PCYT1A: variants seen among roughly 807,000 people sequenced by gnomAD.
The protein encoded by PCYT1A is choline-phosphate cytidylyltransferase A.
A neutral mutation model predicts 43.7 loss-of-function variants in PCYT1A; 25 were observed. The observed-to-expected ratio is 0.57, with a 90% CI of 0.42 to 0.80. The LOEUF (loss-of-function observed/expected upper bound fraction) is 0.80. Ranked by LOEUF, PCYT1A falls within the 30% of genes least tolerant of loss-of-function variation. The pLI is 0.00. For missense variants in PCYT1A, 421 were observed against 474.2 expected, an observed-to-expected ratio of 0.89 and a Z score of 1.04; for synonymous variants, 172 against 170.7, an observed-to-expected ratio of 1.01 and a Z score of -0.06.
At chr3:196,239,778 A>C (rs989818475) in intron 7 of PCYT1A, 43 bp from the exon 8 acceptor site, 1 of 1,319,504 alleles carries the variant, frequency 7.6e-7, no homozygotes, top group Non-Finnish European at 1.1e-6. Flanking sequence ...TGCTCATCCT[A>C]AACTTCTCTA....
At chr3:196,253,628 T>C (rs58845625) in intron 3 of PCYT1A, among the ~76,000 whole-genome samples, 35,757 of 152,162 alleles carry the variant, frequency 0.23, 5,848 homozygotes, top group East Asian at 0.76. Flanking sequence ...TTAGGCCAAG[T>C]AGATCACTGA....
chr3:196,279,342 T>C (rs1725685854), intron 1 of PCYT1A, among the ~76,000 whole-genome samples: 1 of 150,586 alleles, frequency 6.6e-6, no homozygotes, highest in African/African-American at 2.4e-5. Context: ...TAAGACCTGA[T>C]CTTTCCAACT....
rs184991493 is a variant in PCYT1A, at chr3:196,285,343, C to T, written c.-11+2272G>A. Among the ~76,000 whole-genome samples the T allele has an allele frequency of 3.4e-3, 521 of 152,254 alleles. 2 individuals are homozygous for T. The highest frequency in any genetic ancestry group is 5.9e-3 in the Non-Finnish European group (402 of 68,012). Reference sequence around the variant, plus strand: ...GCATGGTGGCACATGCCTGTAGTCCCAGCTATTCAGGAGGCTGAGGTAGGA... The same window carrying T: ...GCATGGTGGCACATGCCTGTAGTCCTAGCTATTCAGGAGGCTGAGGTAGGA... On this transcript the variant is annotated intron_variant, in intron 1 of 8. Coordinates refer to ENST00000431016, the MANE Select transcript of PCYT1A (RefSeq NM_001312673.2).
chr3:196,279,997 G>T (rs979932329), intron 1 of PCYT1A, among the ~76,000 whole-genome samples: 1 of 151,854 alleles, frequency 6.6e-6, no homozygotes, highest in Non-Finnish European at 1.5e-5. Context: ...ACCACGCCTG[G>T]CTAATTTTGT....
Position 196,252,484 on chromosome 3 carries a change from G to T in PCYT1A, c.218-4161C>A, listed in dbSNP as rs1724832458. Reference sequence around the variant, plus strand: ...TCAATTTCCTGACCTCAAGTGATCTGCCCGCCTTGGCCTCCCGAAGTTCTG... The same window carrying T: ...TCAATTTCCTGACCTCAAGTGATCTTCCCGCCTTGGCCTCCCGAAGTTCTG... On this transcript the variant is annotated intron_variant, in intron 3 of 8. Transcript: ENST00000431016. The surrounding 1 kb of genome is among the most constrained non-coding windows in gnomAD (Gnocchi z 4.0). Among the ~76,000 whole-genome samples, 1 of 152,132 alleles carries T rather than the reference G, an allele frequency of 6.6e-6. No homozygotes were observed. Among genetic ancestry groups the T allele is most frequent in the Admixed American group, 6.6e-5 (1 of 15,260 alleles).
chr3:196,256,075 A>G (rs1724941774), intron 3 of PCYT1A, among the ~76,000 whole-genome samples: 1 of 152,198 alleles, frequency 6.6e-6, no homozygotes, highest in South Asian at 2.1e-4. Context: ...GTTGTGATCA[A>G]TATGAACTAT....
chr3:196,238,450 G>A lies in PCYT1A; in HGVS notation c.*238C>T. On this transcript the variant is annotated 3_prime_UTR_variant, in exon 9 of 9. Transcript: ENST00000431016. Reference sequence around the variant, plus strand: ...AACAGTGAAACAAAGCCCTTGGGGGGGGGTAAATGGATGCAGAGCAGGCTT... The same window carrying A: ...AACAGTGAAACAAAGCCCTTGGGGGAGGGTAAATGGATGCAGAGCAGGCTT... 1 of 363,452 alleles carries A rather than the reference G, an allele frequency of 2.8e-6. No homozygotes were observed. 22.5% of individuals were successfully genotyped at this position (363,452 alleles called of 1,614,324 possible).
At position 196,250,974 on chromosome 3, in the gene PCYT1A, G is replaced by A. The variant is rs559613891; in HGVS notation, c.218-2651C>T. On this transcript the variant is annotated intron_variant, in intron 3 of 8. Transcript: ENST00000431016. ...ATCAGATACACTATGCTGAGGTTGA[G>A]GACCAGATACCCTATGCTGAGGCTG... Among the ~76,000 whole-genome samples, 69 of 151,262 alleles carry A rather than the reference G, an allele frequency of 4.6e-4. 1 individual carries two copies. Among genetic ancestry groups the A allele is most frequent in the African/African-American group, 1.6e-3 (67 of 41,088 alleles).
chr3:196,249,473 C>G (rs984136449), intron 3 of PCYT1A, among the ~76,000 whole-genome samples: 1 of 152,176 alleles, frequency 6.6e-6, no homozygotes, highest in Non-Finnish European at 1.5e-5. Context: ...TCTGCACTAA[C>G]TGCCTCTGTT....
At chr3:196,261,455 G>A (rs1311734586) in intron 2 of PCYT1A, among the ~76,000 whole-genome samples, 1 of 152,120 alleles carries the variant, frequency 6.6e-6, no homozygotes. Context: ...AGGAGTTCGA[G>A]ACCATCCTGA....
chr3:196,247,923 A>G lies in PCYT1A; in HGVS notation c.334+284T>C. 2.0e-6 allele frequency: 1 copy of G among 498,926 alleles called. No homozygotes were observed. The highest frequency in any genetic ancestry group is 3.7e-5 in the East Asian group (1 of 26,676). The allele number at this position is 498,926 out of a possible 1,614,324, so 30.9% of individuals were successfully genotyped here. On this transcript the variant is annotated intron_variant, in intron 4 of 8. Coordinates refer to ENST00000431016, the MANE Select transcript of PCYT1A (RefSeq NM_001312673.2). The surrounding 1 kb of genome is among the most constrained non-coding windows in gnomAD (Gnocchi z 4.8). ...TTCAAAATGATAAACTGAAATCTAA[A>G]GCAAATGTTTTAAAGTGGACAACGG...
At chr3:196,246,879 C>T (rs1724585239) in intron 5 of PCYT1A, among the ~76,000 whole-genome samples, 1 of 151,416 alleles carries the variant, frequency 6.6e-6, no homozygotes, top group African/African-American at 2.4e-5. Context: ...CAGTTCCCAG[C>T]CCTGCCAGTG....
intron 1 of PCYT1A, among the ~76,000 whole-genome samples, chr3:196,275,754 A>G (rs917411804): frequency 1.3e-5 from 2 of 148,350 alleles, no homozygotes; most frequent in African/African-American, 2.4e-5. Flanking sequence ...AAAAAAAAAG[A>G]ATGGAGAAAT....
In PCYT1A at chr3:196,273,394, T is replaced by C. The variant is rs891978747; in HGVS notation, c.-10-2853A>G. Among the ~76,000 whole-genome samples, 3 of 152,212 alleles carry C rather than the reference T, an allele frequency of 2.0e-5. No individual in the cohort carries two copies. The highest frequency in any genetic ancestry group is 7.2e-5 in the African/African-American group (3 of 41,462). The stretch of plus-strand genomic sequence containing the variant: ...TTTCAGCTCTTTCAGTCCCACCATT[T>C]GGCAGATCCCGAGTTCTTGTCCCAC... On this transcript the variant is annotated intron_variant, in intron 1 of 8. Coordinates refer to ENST00000431016, the MANE Select transcript of PCYT1A (RefSeq NM_001312673.2). The surrounding 1 kb of genome is among the most constrained non-coding windows in gnomAD (Gnocchi z 4.1).
chr3:196,257,344 G>A (rs1040922293), intron 3 of PCYT1A, among the ~76,000 whole-genome samples: 1 of 152,066 alleles, frequency 6.6e-6, no homozygotes, highest in East Asian at 1.9e-4. Context: ...ATTAAGTGAC[G>A]AGCATCTCCC....
intron 5 of PCYT1A, among the ~76,000 whole-genome samples, chr3:196,245,558 C>G (rs1724536441): frequency 6.6e-6 from 1 of 152,158 alleles, no homozygotes; most frequent in African/African-American, 2.4e-5. Context: ...GGGCCACCAG[C>G]CTTTTGCTGA....
intron 1 of PCYT1A, among the ~76,000 whole-genome samples, chr3:196,281,322 A>C (rs114001634): frequency 6.6e-5 from 10 of 152,352 alleles, no homozygotes; most frequent in African/African-American, 2.4e-4. Flanking sequence ...GTGTAAGGAC[A>C]TTGCCCCCTA....
chr3:196,245,016 G>A (rs936487411), intron 5 of PCYT1A, among the ~76,000 whole-genome samples: 2 of 152,108 alleles, frequency 1.3e-5, no homozygotes, highest in African/African-American at 2.4e-5. Context: ...TTTATCTGCT[G>A]ACCTTCCGTC....
chr3:196,242,340 G>A lies in PCYT1A; in HGVS notation c.565+222C>T. The A allele has an allele frequency of 1.5e-6, 1 of 672,500 alleles. No homozygotes were observed. Among genetic ancestry groups the A allele is most frequent in the East Asian group, 2.7e-5 (1 of 36,878 alleles). 41.7% of individuals were successfully genotyped at this position (672,500 alleles called of 1,614,324 possible). A position where few individuals can be genotyped will look rare whatever the true frequency, so the allele number is the denominator to read the frequency against. ...GAAAGGGTTTCCTGAAATTAAGAGA[G>A]ATATCCAAAGTAGATGTTTAGACCA... is the stretch of plus-strand genomic sequence containing the variant. On this transcript the variant is annotated intron_variant, in intron 6 of 8. Transcript: ENST00000431016. This position sits in a 1 kb window ranked among gnomAD's most constrained non-coding sequence, Gnocchi z 4.2.
Sources: gnomAD v4.1 joint callset for allele counts (sites outside exome capture counted in the v4.1 genomes callset) on GRCh38, gnomAD v4.1.1 for gene constraint, Gnocchi (gnomAD v3.1) non-coding constraint, MANE v1.5 for transcripts, NCBI Gene and HGNC (gene_info 2026-07-23, HGNC 2026-07-21) for gene names.